VPS13B: variants seen among roughly 807,000 people sequenced by gnomAD.
The protein encoded by VPS13B is vacuolar protein sorting 13 homolog B, also known as intermembrane lipid transfer protein VPS13B.
A neutral mutation model predicts 426.4 loss-of-function variants in VPS13B; 285 were observed. The observed-to-expected ratio is 0.67, with a 90% CI of 0.61 to 0.74. The LOEUF (loss-of-function observed/expected upper bound fraction) is 0.74, where lower values mean the gene tolerates loss of function less well. VPS13B is among the 30% of genes least tolerant of loss of function. The probability of loss-of-function intolerance (pLI) is 0.00; values close to 1 mark genes in which losing one functional copy is unlikely to be tolerated. For synonymous variants in VPS13B, 1,676 were observed against 1,676.4 expected (o/e 1.00, Z 0.01); for missense variants, 4,537 against 4,782.6 (o/e 0.95, Z 1.51).
intron 30 of VPS13B, among the ~76,000 whole-genome samples, chr8:99,523,019 AGTGAACTAGAT>A (rs1822453238): frequency 6.6e-6 from 1 of 152,206 alleles, no homozygotes; most frequent in African/African-American, 2.4e-5. Context: ...ATGAAATCTC[AGTGAACTAGAT>A]GCAAAAGTCC....
chr8:99,855,061 T>A, intron 56 of VPS13B, among the ~76,000 whole-genome samples: 1 of 152,146 alleles, frequency 6.6e-6, no homozygotes, highest in Non-Finnish European at 1.5e-5. Flanking sequence ...CAAAATTTTA[T>A]AGAGGGACTA....
chr8:99,310,570 G>A (rs1408088719), intron 19 of VPS13B, among the ~76,000 whole-genome samples: 2 of 152,196 alleles, frequency 1.3e-5, no homozygotes, highest in South Asian at 4.1e-4. Flanking sequence ...TTTTTGATGT[G>A]TTGCTGGATT....
chr8:99,335,664 A>G (rs1259739586), intron 19 of VPS13B, among the ~76,000 whole-genome samples: 2 of 152,164 alleles, frequency 1.3e-5, no homozygotes, highest in African/African-American at 4.8e-5. Context: ...ACTTCAGCAA[A>G]GTCTCAGGAT....
At chr8:99,322,700 C>A (rs1028119803) in intron 19 of VPS13B, among the ~76,000 whole-genome samples, 1 of 152,108 alleles carries the variant, frequency 6.6e-6, no homozygotes, top group South Asian at 2.1e-4. Flanking sequence ...TTAGCTATTG[C>A]AAGAACCTTA....
chr8:99,749,755 C>T lies in VPS13B; in HGVS notation c.7051-17019C>T, dbSNP rs556701319. ...GATTTCCTTTCTTTTTGTTATATAC[C>T]TAGCAGTAGCATTGCTGGATCATAT... On this transcript the variant is annotated intron_variant, in intron 39 of 61. Coordinates refer to ENST00000357162, the MANE Select transcript of VPS13B (RefSeq NM_152564.5). Among the ~76,000 whole-genome samples, 17 of 151,896 alleles carry T rather than the reference C, an allele frequency of 1.1e-4. No individual in the cohort carries two copies. In the South Asian group the frequency reaches 1.5e-3, roughly 13 times the overall value.
intron 17 of VPS13B, among the ~76,000 whole-genome samples, chr8:99,214,960 C>G (rs142280614): frequency 2.6e-5 from 4 of 152,174 alleles, no homozygotes; most frequent in African/African-American, 9.6e-5. Flanking sequence ...TTCTGCAATG[C>G]CCATGTCTCT....
chr8:99,069,371 C>G (rs913745013), intron 3 of VPS13B, among the ~76,000 whole-genome samples: 3 of 152,156 alleles, frequency 2.0e-5, no homozygotes, highest in Admixed American at 6.5e-5. Flanking sequence ...AAGGTTGATA[C>G]TGCTGTGAGC....
chr8:99,215,657 CA>C (rs747982142), intron 17 of VPS13B, among the ~76,000 whole-genome samples: 1 of 152,124 alleles, frequency 6.6e-6, no homozygotes, highest in Non-Finnish European at 1.5e-5. Context: ...TTTCCACCAA[CA>C]AAAAAATACA....
intron 21 of VPS13B, among the ~76,000 whole-genome samples, chr8:99,410,010 A>G (rs1051396823): frequency 2.6e-5 from 4 of 152,176 alleles, no homozygotes; most frequent in African/African-American, 9.7e-5. Context: ...TATAATGGAC[A>G]TGAGACTAAA....
intron 19 of VPS13B, among the ~76,000 whole-genome samples, chr8:99,325,962 G>GT (rs1437739951): frequency 6.6e-6 from 1 of 152,018 alleles, no homozygotes; most frequent in East Asian, 1.9e-4. Context: ...CATAGGATAT[G>GT]TTTTTTGGGG....
intron 30 of VPS13B, among the ~76,000 whole-genome samples, chr8:99,545,677 G>A (rs1408186474): frequency 6.6e-6 from 1 of 151,870 alleles, no homozygotes; most frequent in South Asian, 2.1e-4. Context: ...TGGCTCTCTG[G>A]CAAACAGCCT....
At chr8:99,377,326 T>G (rs1047677189) in intron 19 of VPS13B, among the ~76,000 whole-genome samples, 3 of 152,194 alleles carry the variant, frequency 2.0e-5, no homozygotes, top group Admixed American at 2.0e-4. Context: ...TGCTATGTCT[T>G]CTCACTCAGA....
chr8:99,680,244 A>G (rs1207668885), intron 35 of VPS13B, among the ~76,000 whole-genome samples: 1 of 152,290 alleles, frequency 6.6e-6, no homozygotes, highest in African/African-American at 2.4e-5. Flanking sequence ...TGGGTCAAGT[A>G]AAGTTGGAAC....
intron 39 of VPS13B, among the ~76,000 whole-genome samples, chr8:99,758,506 G>C (rs1224665566): frequency 6.6e-6 from 1 of 152,204 alleles, no homozygotes; most frequent in African/African-American, 2.4e-5. Flanking sequence ...GTTAAAGGAG[G>C]TAGCATTGTT....
chr8:99,103,169 T>G, intron 5 of VPS13B, 49 bp downstream of exon 5: 1 of 1,599,458 alleles, frequency 6.3e-7, no homozygotes, highest in East Asian at 2.2e-5. Context: ...TTGAAACAAT[T>G]ACCTTAACTC....
At chr8:99,187,415 A>G (rs1359521289) in intron 16 of VPS13B, among the ~76,000 whole-genome samples, 3 of 152,198 alleles carry the variant, frequency 2.0e-5, no homozygotes, top group Non-Finnish European at 4.4e-5. Context: ...GAATTGAGTC[A>G]TATTTGTTTA....
intron 17 of VPS13B, among the ~76,000 whole-genome samples, chr8:99,226,882 T>G (rs1254276432): frequency 6.6e-6 from 1 of 152,236 alleles, no homozygotes; most frequent in Non-Finnish European, 1.5e-5. Context: ...CATTTCTATA[T>G]GTTGAGAACA....
At chr8:99,038,965 A>G (rs1419304322) in intron 3 of VPS13B, among the ~76,000 whole-genome samples, 1 of 152,122 alleles carries the variant, frequency 6.6e-6, no homozygotes, top group Non-Finnish European at 1.5e-5. Context: ...GATTATAGGC[A>G]TGAGCCACTG....
chr8:99,402,224 G>A (rs1815074808), intron 21 of VPS13B, among the ~76,000 whole-genome samples: 1 of 152,136 alleles, frequency 6.6e-6, no homozygotes, highest in Non-Finnish European at 1.5e-5. Context: ...GGCATCAAGG[G>A]ACAATAGAAG....
Sources: gnomAD v4.1 joint callset for allele counts (sites outside exome capture counted in the v4.1 genomes callset) on GRCh38, gnomAD v4.1.1 for gene constraint, MANE v1.5 for transcripts, NCBI Gene and HGNC (gene_info 2026-07-23, HGNC 2026-07-21) for gene names.